GRID2: variants seen among roughly 807,000 people sequenced by gnomAD.
GRID2 encodes the protein glutamate ionotropic receptor delta type subunit 2.
A neutral mutation model predicts 114.8 loss-of-function variants in GRID2; 33 were observed. The ratio of observed to expected loss-of-function variants is 0.29; its 90% CI spans 0.22 to 0.38. The LOEUF (loss-of-function observed/expected upper bound fraction) is 0.38, where lower values mean the gene tolerates loss of function less well. Ranked by LOEUF, GRID2 falls within the 10% of genes least tolerant of loss-of-function variation. The pLI, the probability that GRID2 is intolerant of heterozygous loss-of-function variation, is 1.00. For synonymous variants in GRID2, 505 were observed against 449.9 expected (o/e 1.12, Z -1.55); for missense variants, 1,184 against 1,257.7 (o/e 0.94, Z 0.89).
chr4:93,598,259 C>T (rs148627494), intron 13 of GRID2, among the ~76,000 whole-genome samples: 12 of 152,298 alleles, frequency 7.9e-5, no homozygotes, highest in Middle Eastern at 3.4e-3. Flanking sequence ...TTCCATTCCA[C>T]ATAGGCAATC....
intron 2 of GRID2, among the ~76,000 whole-genome samples, chr4:92,643,377 T>C (rs549574980): frequency 2.0e-5 from 3 of 151,888 alleles, no homozygotes; most frequent in South Asian, 2.1e-4. Context: ...GGGATCTAAA[T>C]AGAAAAAGAA....
chr4:93,555,502 A>G (rs993961976), intron 13 of GRID2, among the ~76,000 whole-genome samples: 8 of 152,030 alleles, frequency 5.3e-5, no homozygotes, highest in Non-Finnish European at 1.2e-4. Flanking sequence ...GGAAGTTCGA[A>G]CTGGGCGGAG....
At chr4:93,700,268 ATCT>A (rs1334455407) in intron 14 of GRID2, among the ~76,000 whole-genome samples, 2 of 152,082 alleles carry the variant, frequency 1.3e-5, no homozygotes, top group African/African-American at 2.4e-5. Flanking sequence ...AATATAAACC[ATCT>A]TATTCATGGT....
intron 1 of GRID2, among the ~76,000 whole-genome samples, chr4:92,372,102 AG>A (rs1729142496): frequency 6.6e-6 from 1 of 152,206 alleles, no homozygotes; most frequent in Non-Finnish European, 1.5e-5. Flanking sequence ...TGAATAGATG[AG>A]GAGTTACGCA....
rs567249016 is a variant in GRID2, at chr4:93,798,804, A to G, written c.222-7911A>G. 1.4e-4 allele frequency among the ~76,000 whole-genome samples: 21 copies of G among 152,320 alleles called. 1 individual carries two copies. The East Asian group carries it at 4.1e-3, about 29-fold the overall frequency. ...TCAGAATGGATCATGGTGTGGCTGA[A>G]AGAGAACTGGACCAGGAGGCCAGAG... is the stretch of plus-strand genomic sequence containing the variant. On this transcript the variant is annotated intron_variant, in intron 1 of 1. Coordinates refer to the GRID2 transcript ENST00000637838.
intron 2 of GRID2, among the ~76,000 whole-genome samples, chr4:92,953,053 G>C (rs978915755): frequency 2.6e-5 from 4 of 152,052 alleles, no homozygotes; most frequent in African/African-American, 9.7e-5. Context: ...CATTCTCCCT[G>C]TGTGTGTGTC....
chr4:93,777,983 A>G (rs542595417), downstream of GRID2, among the ~76,000 whole-genome samples: 43 of 152,292 alleles, frequency 2.8e-4, no homozygotes, highest in African/African-American at 1.0e-3. Context: ...ACACATAGAT[A>G]CCTATATGCA....
rs116067199 is a variant in GRID2 at position 93,388,965 on chromosome 4, G to T, written c.1246-6642G>T. 2.8e-3 allele frequency among the ~76,000 whole-genome samples: 421 copies of T among 152,296 alleles called. 2 individuals are homozygous for T. The highest frequency in any genetic ancestry group is 9.7e-3 in the African/African-American group (404 of 41,580). On this transcript the variant is annotated intron_variant, in intron 8 of 15. Transcript: ENST00000282020. ...GAGGTATCTAAGCAGAGACAGTGAA[G>T]TGATAGTGAAATATAAGGAGATTGC...
At chr4:92,836,482 G>C (rs1360876606) in intron 2 of GRID2, among the ~76,000 whole-genome samples, 1 of 151,942 alleles carries the variant, frequency 6.6e-6, no homozygotes, top group African/African-American at 2.4e-5. Flanking sequence ...GAACCACTTG[G>C]ATGGTACATG....
chr4:93,205,343 G>A (rs1270087558), intron 4 of GRID2, among the ~76,000 whole-genome samples: 3 of 151,844 alleles, frequency 2.0e-5, no homozygotes, highest in African/African-American at 7.3e-5. Flanking sequence ...GAGTGTGATG[G>A]TCCCCTTCCC....
intron 2 of GRID2, among the ~76,000 whole-genome samples, chr4:92,623,848 A>G (rs765304092): frequency 3.3e-5 from 5 of 151,744 alleles, no homozygotes; most frequent in Non-Finnish European, 5.9e-5. Context: ...ATTTTATACC[A>G]TATTCTATAA....
At chr4:92,355,967 TG>T (rs1728298700) in intron 1 of GRID2, among the ~76,000 whole-genome samples, 2 of 151,922 alleles carry the variant, frequency 1.3e-5, no homozygotes, top group African/African-American at 4.8e-5. Context: ...AAAAAAACAC[TG>T]GTTATAATTT....
chr4:93,198,452 A>G (rs917611439), intron 4 of GRID2, among the ~76,000 whole-genome samples: 2 of 152,180 alleles, frequency 1.3e-5, no homozygotes, highest in East Asian at 1.9e-4. Context: ...AGGAGGCAAC[A>G]TAAGGACAAA....
chr4:92,905,138 C>G (rs568555917), intron 2 of GRID2, among the ~76,000 whole-genome samples: 1 of 151,930 alleles, frequency 6.6e-6, no homozygotes, highest in South Asian at 2.1e-4. Context: ...ATATTTATTT[C>G]CCCTAAGGAC....
At chr4:93,161,708 C>T (rs987786302) in intron 4 of GRID2, among the ~76,000 whole-genome samples, 4 of 151,746 alleles carry the variant, frequency 2.6e-5, no homozygotes, top group African/African-American at 9.7e-5. Context: ...TTTTATGTGA[C>T]TGAAACTATC....
At chr4:92,744,518 A>C (rs1370154388) in intron 2 of GRID2, among the ~76,000 whole-genome samples, 2 of 151,276 alleles carry the variant, frequency 1.3e-5, no homozygotes, top group Non-Finnish European at 2.9e-5. Context: ...TTTTTTTCAG[A>C]GGTTTGGTAC....
chr4:92,355,522 G>A (rs1444980211), intron 1 of GRID2, among the ~76,000 whole-genome samples: 1 of 151,588 alleles, frequency 6.6e-6, no homozygotes, highest in East Asian at 1.9e-4. Context: ...AGAAAAAAAG[G>A]TCATAAGGGT....
Position 93,028,400 on chromosome 4 carries a change from T to G in GRID2, c.245-56595T>G, listed in dbSNP as rs1307936854. 2.6e-5 allele frequency among the ~76,000 whole-genome samples: 4 copies of G among 152,036 alleles called. No homozygotes were observed. In the East Asian group the frequency reaches 7.8e-4, roughly 30 times the overall value. On this transcript the variant is annotated intron_variant, in intron 2 of 15. Coordinates refer to ENST00000282020, the MANE Select transcript of GRID2 (RefSeq NM_001510.4). ...ATCCATGGAACTGCAAAACCAACGC[T>G]GCTTGGGAGAGAGAGAGAGTGCCAG...
At chr4:92,365,111 A>G (rs1386522909) in intron 1 of GRID2, among the ~76,000 whole-genome samples, 1 of 152,090 alleles carries the variant, frequency 6.6e-6, no homozygotes. Context: ...CTGAACTACC[A>G]TATAATCCAG....
Sources: allele counts gnomAD v4.1 joint callset (sites outside exome capture counted in the v4.1 genomes callset), GRCh38; gene constraint gnomAD v4.1.1; transcripts MANE v1.5; gene names NCBI Gene and HGNC (gene_info 2026-07-23, HGNC 2026-07-21).